Variants in CLIP2 observed in about 807,000 individuals in gnomAD.
CLIP2 encodes the protein CAP-Gly domain-containing linker protein 2.
Under a neutral mutation model 111.7 loss-of-function variants are expected in CLIP2, and 41 were observed. That is an observed-to-expected ratio of 0.37 (90% CI 0.29 to 0.48). The LOEUF (loss-of-function observed/expected upper bound fraction) is 0.48, where lower values mean the gene tolerates loss of function less well. CLIP2 is among the 20% of genes least tolerant of loss of function. The probability of loss-of-function intolerance (pLI) is 0.99; values close to 1 mark genes in which losing one functional copy is unlikely to be tolerated. For missense variants in CLIP2, 1,160 were observed against 1,422.1 expected (o/e 0.82, Z 2.96); for synonymous variants, 660 against 644.2 (o/e 1.02, Z -0.37).
chr7:74,397,012 G>C, intron 13 of CLIP2, 62 bp from the exon 14 acceptor site: 2 of 1,578,400 alleles, frequency 1.3e-6, no homozygotes, highest in Non-Finnish European at 1.7e-6. Context: ...CAAATTGCTA[G>C]AGTGTGGGAG....
intron 1 of CLIP2, among the ~76,000 whole-genome samples, chr7:74,297,119 G>A (rs761093398): frequency 1.6e-4 from 24 of 152,134 alleles, no homozygotes; most frequent in Non-Finnish European, 2.9e-4. Flanking sequence ...AGATGCATCT[G>A]TACAGCTGCG....
intron 12 of CLIP2, among the ~76,000 whole-genome samples, chr7:74,388,193 G>A (rs782026348): frequency 6.6e-6 from 1 of 152,082 alleles, no homozygotes; most frequent in African/African-American, 2.4e-5. Context: ...TTAGCTGAGC[G>A]TGGTAGCGTG....
chr7:74,301,294 C>T (rs1285752902), intron 1 of CLIP2, among the ~76,000 whole-genome samples: 3 of 152,238 alleles, frequency 2.0e-5, no homozygotes, highest in African/African-American at 7.2e-5. Context: ...GGTCCTTACA[C>T]ATCATTGCAT....
Position 74,356,618 on chromosome 7 carries a change from G to A in CLIP2, c.1012G>A (p.Gly338Ser). The A allele has an allele frequency of 1.2e-6, 2 of 1,612,562 alleles. No individual in the cohort carries two copies. The highest frequency in any genetic ancestry group is 8.5e-7 in the Non-Finnish European group (1 of 1,179,346). ...CGTGGGGGGTCGGCCCAGCCGCAGT[G>A]GCCTGGTGAGGGTGGGGCTGCAGAA... ...SSVGGRPSRS[G>S]LLTETSSRYA... The change falls in exon 5 of 17, where the codon GGC (glycine) becomes AGC (serine). Residue 338 changes from glycine to serine, a missense_variant. Around this residue, in one of 5 missense-constraint regions of CLIP2, gnomAD observed 110 missense variants for 185.2 expected, o/e 0.59. Coordinates refer to ENST00000223398, the MANE Select transcript of CLIP2 (RefSeq NM_003388.5).
intron 8 of CLIP2, among the ~76,000 whole-genome samples, chr7:74,367,653 G>A (rs1259292058): frequency 6.6e-6 from 1 of 152,134 alleles, no homozygotes; most frequent in Non-Finnish European, 1.5e-5. Flanking sequence ...TTCTGAGTGG[G>A]CATGAAATTT....
At chr7:74,309,938 C>T (rs1554728242) in intron 1 of CLIP2, among the ~76,000 whole-genome samples, 2 of 149,536 alleles carry the variant, frequency 1.3e-5, no homozygotes, top group South Asian at 4.2e-4. Flanking sequence ...GTGGCTCATA[C>T]CTTTAATCCC....
intron 2 of CLIP2, among the ~76,000 whole-genome samples, chr7:74,337,795 C>A (rs1554732399): frequency 1.3e-5 from 2 of 151,938 alleles, no homozygotes; most frequent in Non-Finnish European, 2.9e-5. Flanking sequence ...GGGGTTTCAC[C>A]ATATTGGTCA....
At chr7:74,294,277 C>T (rs782463464) in intron 1 of CLIP2, among the ~76,000 whole-genome samples, 28 of 152,208 alleles carry the variant, frequency 1.8e-4, no homozygotes, top group Non-Finnish European at 2.9e-5. Flanking sequence ...AAGGCTAGGG[C>T]CGTCACAACA....
At position 74,338,389 on chromosome 7, in the gene CLIP2, G is replaced by T; in HGVS notation, c.122-59G>T. ...CAACCCTAGACTCTGTGCTCCTGGGGCCACCCAGGGGCCAGCCCTAACAGC... is the reference window on the plus strand; with the variant it reads ...CAACCCTAGACTCTGTGCTCCTGGGTCCACCCAGGGGCCAGCCCTAACAGC... On this transcript the variant is annotated intron_variant, in intron 2 of 16. Coordinates refer to ENST00000223398, the MANE Select transcript of CLIP2 (RefSeq NM_003388.5). This position sits in a 1 kb window ranked among gnomAD's most constrained non-coding sequence, Gnocchi z 4.3. 1.3e-6 allele frequency: 2 copies of T among 1,560,284 alleles called. No individual in the cohort carries two copies. The highest frequency in any genetic ancestry group is 1.4e-5 in the African/African-American group (1 of 72,824).
intron 7 of CLIP2, 105 bp downstream of exon 7, chr7:74,360,383 C>A: frequency 1.3e-6 from 1 of 768,550 alleles, no homozygotes; most frequent in Non-Finnish European, 2.1e-6. Context: ...CTGCCCCTGT[C>A]ACTGCCTCTG....
intron 4 of CLIP2, 139 bp from the exon 5 acceptor site, chr7:74,356,271 C>T: frequency 1.4e-6 from 1 of 718,454 alleles, no homozygotes; most frequent in Non-Finnish European, 2.5e-6. Flanking sequence ...AGATTTCCAC[C>T]TTGGAGTGTC....
At chr7:74,373,483 G>C (rs1790694614) in intron 9 of CLIP2, among the ~76,000 whole-genome samples, 1 of 152,172 alleles carries the variant, frequency 6.6e-6, no homozygotes, top group African/African-American at 2.4e-5. Flanking sequence ...GGGTGACAGA[G>C]TGAGACTCCG....
At chr7:74,403,089 C>T (rs1165654353) in intron 16 of CLIP2, among the ~76,000 whole-genome samples, 1 of 150,792 alleles carries the variant, frequency 6.6e-6, no homozygotes, top group Admixed American at 6.6e-5. Context: ...TGTGGTGGCA[C>T]ATGCCTGTAG....
At chr7:74,359,425 C>T (rs981303062) in intron 6 of CLIP2, among the ~76,000 whole-genome samples, 1 of 147,700 alleles carries the variant, frequency 6.8e-6, no homozygotes, top group Admixed American at 7.0e-5. Context: ...GTGATCTTGG[C>T]TCACTGCAAG....
At chr7:74,351,078 AG>A (rs1554307420) in intron 3 of CLIP2, among the ~76,000 whole-genome samples, 24 of 86,902 alleles carry the variant, frequency 2.8e-4, no homozygotes, top group Non-Finnish European at 4.5e-4. Flanking sequence ...AAAGAAAGAA[AG>A]AAAGAAAAAG....
intron 12 of CLIP2, among the ~76,000 whole-genome samples, chr7:74,387,511 A>C (rs1554314995): frequency 1.3e-5 from 2 of 152,084 alleles, no homozygotes; most frequent in African/African-American, 4.8e-5. Context: ...TTGGCCTCCC[A>C]AAGTGCTGTG....
At chr7:74,391,749 G>A (rs1226824713) in intron 13 of CLIP2, among the ~76,000 whole-genome samples, 3 of 152,050 alleles carry the variant, frequency 2.0e-5, no homozygotes, top group East Asian at 1.9e-4. Flanking sequence ...GAACCCGGGA[G>A]GCAGAGGTTG....
chr7:74,366,982 G>C (rs782368544), intron 8 of CLIP2, among the ~76,000 whole-genome samples: 1 of 150,938 alleles, frequency 6.6e-6, no homozygotes, highest in Non-Finnish European at 1.5e-5. Flanking sequence ...TCCTTGGCCT[G>C]TATAACTGCA....
Position 74,376,009 on chromosome 7 carries a change from C to T in CLIP2, c.1608C>T (p.His536=), listed in dbSNP as rs967092022. The stretch of plus-strand genomic sequence containing the variant: ...ACTCGGGTCCCCCACCTCCGGACCA[C>T]CCAGACGCCGCCGAGATCCTGCGGC... The part of the protein sequence containing the change: ...LLHSGPPPPD[H]PDAAEILRLR... The change falls in exon 10 of 17, where the codon CAC becomes CAT. Residue 536 remains histidine (H), a synonymous_variant. Coordinates refer to ENST00000223398, the MANE Select transcript of CLIP2 (RefSeq NM_003388.5). This position sits in a 1 kb window ranked among gnomAD's most constrained non-coding sequence, Gnocchi z 7.1. 2 of 1,612,496 alleles carry T rather than the reference C, an allele frequency of 1.2e-6. No individual in the cohort carries two copies. Among genetic ancestry groups the T allele is most frequent in the Non-Finnish European group, 1.7e-6 (2 of 1,179,820 alleles).
Sources: gnomAD v4.1 joint callset for allele counts (sites outside exome capture counted in the v4.1 genomes callset) on GRCh38, gnomAD v4.1.1 for gene constraint, gnomAD v4.1.1 regional missense constraint, Gnocchi (gnomAD v3.1) non-coding constraint, MANE v1.5 for transcripts, NCBI Gene and HGNC (gene_info 2026-07-23, HGNC 2026-07-21) for gene names.